Variants in DRD3 observed in about 807,000 individuals in gnomAD.
DRD3 encodes the protein dopamine receptor D3, also known as D(3) dopamine receptor.
A neutral mutation model predicts 36.3 loss-of-function variants in DRD3; 19 were observed. That is an observed-to-expected ratio of 0.52 (90% CI 0.36 to 0.77). The LOEUF (loss-of-function observed/expected upper bound fraction) is 0.77, where lower values mean the gene tolerates loss of function less well. DRD3 is among the 30% of genes least tolerant of loss of function. The probability of loss-of-function intolerance (pLI) is 0.00; values close to 1 mark genes in which losing one functional copy is unlikely to be tolerated. For missense variants in DRD3, 465 were observed against 505.3 expected (o/e 0.92, Z 0.77); for synonymous variants, 195 against 203.7 (o/e 0.96, Z 0.36).
intron 4 of DRD3, among the ~76,000 whole-genome samples, chr3:114,145,499 GT>G (rs1395661186): frequency 3.9e-5 from 6 of 152,206 alleles, no homozygotes; most frequent in African/African-American, 1.4e-4. Context: ...GCAAATATTT[GT>G]TGATAAGTTG....
At chr3:114,164,231 A>C (rs2077761394) in intron 2 of DRD3, among the ~76,000 whole-genome samples, 1 of 147,124 alleles carries the variant, frequency 6.8e-6, no homozygotes, top group Admixed American at 6.7e-5. Flanking sequence ...AAAAAAAAAA[A>C]AAAAAAAAAA....
chr3:114,137,890 C>T (rs765597495), intron 5 of DRD3, among the ~76,000 whole-genome samples: 20 of 147,100 alleles, frequency 1.4e-4, no homozygotes, highest in African/African-American at 2.7e-4. Context: ...CCCAGCTACT[C>T]GGGAGGCTGA....
chr3:114,161,424 T>C (rs570669468), intron 2 of DRD3, among the ~76,000 whole-genome samples: 2 of 152,312 alleles, frequency 1.3e-5, no homozygotes, highest in East Asian at 1.9e-4. Context: ...TAAAATAAGG[T>C]CCTAAAAGGC....
chr3:114,148,702 G>T (rs2077590710), intron 3 of DRD3, among the ~76,000 whole-genome samples: 1 of 152,016 alleles, frequency 6.6e-6, no homozygotes, highest in Non-Finnish European at 1.5e-5. Context: ...CATATAAGTT[G>T]CTTGCTTGCT....
intron 3 of DRD3, among the ~76,000 whole-genome samples, chr3:114,159,543 A>G (rs895484012): frequency 1.3e-5 from 2 of 152,170 alleles, no homozygotes; most frequent in Non-Finnish European, 2.9e-5. Flanking sequence ...GAGGAGAAGA[A>G]AGGCCAGGAA....
chr3:114,130,632 C>G (rs1279482277), intron 6 of DRD3, among the ~76,000 whole-genome samples: 1 of 151,982 alleles, frequency 6.6e-6, no homozygotes, highest in Non-Finnish European at 1.5e-5. Context: ...ACCGTGTTAG[C>G]CAGGATGGTC....
upstream of DRD3, chr3:114,179,067 GC>G (rs1397670923): frequency 6.6e-6 from 1 of 152,046 alleles, no homozygotes; most frequent in Non-Finnish European, 1.5e-5. Context: ...CGGATACTGT[GC>G]TTTTTAGTAC....
At chr3:114,146,335 A>T (rs2077569219) in intron 4 of DRD3, among the ~76,000 whole-genome samples, 1 of 152,190 alleles carries the variant, frequency 6.6e-6, no homozygotes, top group Non-Finnish European at 1.5e-5. Context: ...TGGAACACTA[A>T]TCAAGCAGCT....
In DRD3 at chr3:114,162,154, G is replaced by A. The variant is rs555561549; in HGVS notation, c.271-2287C>T. On this transcript the variant is annotated intron_variant, in intron 2 of 6. Transcript: ENST00000383673. Reference sequence around the variant, plus strand: ...TCCTTAAAGAATTTACAAGATAACTGGAGAAGTAAGGCATTCATCAATAAA... The same window carrying A: ...TCCTTAAAGAATTTACAAGATAACTAGAGAAGTAAGGCATTCATCAATAAA... 2.8e-4 allele frequency among the ~76,000 whole-genome samples: 43 copies of A among 152,242 alleles called. 1 individual carries two copies. In the South Asian group the frequency reaches 8.7e-3, roughly 31 times the overall value.
At chr3:114,141,941 C>T (rs1278319327) in intron 4 of DRD3, among the ~76,000 whole-genome samples, 1 of 149,774 alleles carries the variant, frequency 6.7e-6, no homozygotes, top group African/African-American at 2.5e-5. Context: ...CCCAGCTACT[C>T]AGGAGGCTGA....
chr3:114,147,386 G>A (rs1190254275), intron 4 of DRD3, 29 bp downstream of exon 4: 9 of 1,603,014 alleles, frequency 5.6e-6, no homozygotes, highest in Non-Finnish European at 6.8e-6. Flanking sequence ...GAATCACATG[G>A]ATGCTAGAAA....
Position 114,139,696 on chromosome 3 carries a change from C to T in DRD3, c.527G>A (p.Gly176Glu), listed in dbSNP as rs1039218639. The T allele has an allele frequency of 1.9e-6, 3 of 1,613,288 alleles. No individual in the cohort carries two copies. Among genetic ancestry groups the T allele is most frequent in the African/African-American group, 2.7e-5 (2 of 74,974 alleles). Residue 176 changes from glycine to glutamate, a missense_variant and splice_region_variant, in exon 5 of 7, where the codon GGG (glycine) becomes GAG (glutamate). Coordinates refer to ENST00000383673, the MANE Select transcript of DRD3 (RefSeq NM_000796.6). Reference sequence around the variant, plus strand: ...GGAGATGGAGCAGACAGTGGGGTCCCCTGTGGATGAGAAGGGGGAAGGTAA... The same window carrying T: ...GGAGATGGAGCAGACAGTGGGGTCCTCTGTGGATGAGAAGGGGGAAGGTAA... ...CPLLFGFNTTGDPTVCSISNP... is the reference protein window; with the variant it reads ...CPLLFGFNTTEDPTVCSISNP...
At chr3:114,190,414 ATATATATATATAT>A (rs1363974030) in intron 1 of DRD3, among the ~76,000 whole-genome samples, 1 of 3,500 alleles carries the variant, frequency 2.9e-4, no homozygotes, top group Non-Finnish European at 6.3e-4. Flanking sequence ...AAAGGATAAT[ATATATATATATAT>A]ATATATATAT....
At chr3:114,185,946 C>T (rs556055915) in intron 1 of DRD3, among the ~76,000 whole-genome samples, 1 of 152,140 alleles carries the variant, frequency 6.6e-6, no homozygotes, top group Non-Finnish European at 1.5e-5. Flanking sequence ...AATGTGGTAA[C>T]TCTGTAAATC....
intron 6 of DRD3, among the ~76,000 whole-genome samples, chr3:114,130,625 G>A (rs1334814258): frequency 2.0e-5 from 3 of 151,914 alleles, no homozygotes; most frequent in South Asian, 2.1e-4. Context: ...GGGGTTTACC[G>A]TGTTAGCCAG....
intron 2 of DRD3, among the ~76,000 whole-genome samples, chr3:114,169,967 G>T (rs2077823816): frequency 1.3e-5 from 2 of 152,190 alleles, no homozygotes; most frequent in African/African-American, 4.8e-5. Flanking sequence ...TAGAGTGAAG[G>T]TCCACTGCCT....
intron 6 of DRD3, among the ~76,000 whole-genome samples, chr3:114,129,456 G>A (rs955882695): frequency 3.5e-4 from 54 of 152,114 alleles, no homozygotes; most frequent in African/African-American, 1.3e-3. Flanking sequence ...TTTGGCCTTT[G>A]TTACTAAATC....
At chr3:114,195,121 T>A (rs2078030397) in intron 1 of DRD3, among the ~76,000 whole-genome samples, 1 of 152,088 alleles carries the variant, frequency 6.6e-6, no homozygotes, top group African/African-American at 2.4e-5. Context: ...CAGGGAGGAA[T>A]AGAATAAAGG....
intron 1 of DRD3, among the ~76,000 whole-genome samples, chr3:114,176,450 G>T (rs2077900061): frequency 6.6e-6 from 1 of 151,950 alleles, no homozygotes; most frequent in South Asian, 2.1e-4. Context: ...TAAAAGAAAA[G>T]AAAAATTAGC....
Sources: gnomAD v4.1 joint callset for allele counts (sites outside exome capture counted in the v4.1 genomes callset) on GRCh38, gnomAD v4.1.1 for gene constraint, MANE v1.5 for transcripts, NCBI Gene and HGNC (gene_info 2026-07-23, HGNC 2026-07-21) for gene names.